The following CREB5 variants were observed in gnomAD, a reference collection of about 807,000 sequenced individuals.
CREB5 encodes the protein cyclic AMP-responsive element-binding protein 5.
In CREB5, 19 loss-of-function variants were observed where a neutral mutation model predicts 57.1. The observed-to-expected ratio is 0.33, with a 90% CI of 0.23 to 0.49. The LOEUF (loss-of-function observed/expected upper bound fraction) is 0.49. Ranked by LOEUF, CREB5 falls within the 20% of genes least tolerant of loss-of-function variation. The pLI is 0.99. For synonymous variants in CREB5, 238 were observed against 238.3 expected, an observed-to-expected ratio of 1.00 and a Z score of 0.01; for missense variants, 579 against 671.6, an observed-to-expected ratio of 0.86 and a Z score of 1.52.
At chr7:28,813,678 C>T (rs1809258223) in intron 9 of CREB5, among the ~76,000 whole-genome samples, 1 of 152,106 alleles carries the variant, frequency 6.6e-6, no homozygotes, top group African/African-American at 2.4e-5. Flanking sequence ...ATGACATCCC[C>T]AAAGCTGAAC....
At chr7:28,792,992 T>C (rs1807816033) in intron 7 of CREB5, among the ~76,000 whole-genome samples, 1 of 152,186 alleles carries the variant, frequency 6.6e-6, no homozygotes, top group African/African-American at 2.4e-5. Context: ...CAAGTTGATT[T>C]GGCTATTGGT....
At chr7:28,458,292 T>C (rs1048374795) in intron 1 of CREB5, among the ~76,000 whole-genome samples, 1 of 152,198 alleles carries the variant, frequency 6.6e-6, no homozygotes, top group Non-Finnish European at 1.5e-5. Flanking sequence ...ATAAACTGAC[T>C]AGGATCTGAT....
At chr7:28,314,942 A>G (rs1448691774) in intron 1 of CREB5, among the ~76,000 whole-genome samples, 1 of 152,168 alleles carries the variant, frequency 6.6e-6, no homozygotes, top group African/African-American at 2.4e-5. Context: ...TTAATGTAGC[A>G]TTTTTCTAAC....
intron 1 of CREB5, among the ~76,000 whole-genome samples, chr7:28,469,947 A>G (rs1006901226): frequency 6.6e-6 from 1 of 152,332 alleles, no homozygotes; most frequent in East Asian, 1.9e-4. Context: ...TTGTGAGTAC[A>G]TAGTAAGTAT....
chr7:28,306,568 T>TTTTTTTGTTTG (rs1785191141), intron 1 of CREB5, among the ~76,000 whole-genome samples: 1 of 132,714 alleles, frequency 7.5e-6, no homozygotes, highest in African/African-American at 2.8e-5. Context: ...TTTTTTTTTT[T>TTTTTTTGTTTG]TTTTTTTTTT....
rs934411155 is a variant in CREB5, at chr7:28,381,012, G to A, written c.-25+81571G>A. 8.5e-5 allele frequency among the ~76,000 whole-genome samples: 13 copies of A among 152,182 alleles called. No individual in the cohort carries two copies. In the South Asian group the frequency reaches 1.2e-3, roughly 15 times the overall value. ...CTAGGGATTAGTATAAAACTAGGGG[G>A]CAGGTGGTTTGTTCACAGATGCTCA... On this transcript the variant is annotated intron_variant, in intron 1 of 9. Coordinates refer to the CREB5 transcript ENST00000396299.
At chr7:28,469,087 G>A (rs1253148736) in intron 1 of CREB5, among the ~76,000 whole-genome samples, 1 of 152,192 alleles carries the variant, frequency 6.6e-6, no homozygotes, top group African/African-American at 2.4e-5. Context: ...CAGGCCTGCT[G>A]GCATGTGCCT....
chr7:28,754,416 T>G (rs1805169328), intron 7 of CREB5, among the ~76,000 whole-genome samples: 1 of 152,202 alleles, frequency 6.6e-6, no homozygotes, highest in African/African-American at 2.4e-5. Flanking sequence ...TAATTTCTGC[T>G]TCTTTAAACA....
At chr7:28,658,071 C>T (rs540448483) in intron 5 of CREB5, among the ~76,000 whole-genome samples, 2 of 152,212 alleles carry the variant, frequency 1.3e-5, no homozygotes, top group South Asian at 4.2e-4. Flanking sequence ...ATCGTTTATT[C>T]CACACCTTTG....
chr7:28,364,657 C>G (rs1583399663), intron 1 of CREB5, among the ~76,000 whole-genome samples: 1 of 152,164 alleles, frequency 6.6e-6, no homozygotes, highest in East Asian at 1.9e-4. Context: ...CTCCTATCCT[C>G]AGGCTCCTCT....
At position 28,491,750 on chromosome 7, in the gene CREB5, A is replaced by G. The variant is rs1399081047; in HGVS notation, c.76-3156A>G. Among the ~76,000 whole-genome samples the G allele has an allele frequency of 2.6e-5, 4 of 152,352 alleles. No homozygotes were observed. In the South Asian group the frequency reaches 8.3e-4, roughly 32 times the overall value. ...AGCAGTCACAAAGGTCTCCTGGGTT[A>G]TTAGAAACTCACAGTCAAGCCAATT... is the stretch of plus-strand genomic sequence containing the variant. On this transcript the variant is annotated intron_variant, in intron 2 of 10. Coordinates refer to ENST00000357727, the MANE Select transcript of CREB5 (RefSeq NM_182898.4).
chr7:28,376,021 T>C (rs113683490), intron 1 of CREB5, among the ~76,000 whole-genome samples: 89 of 152,316 alleles, frequency 5.8e-4, no homozygotes, highest in African/African-American at 2.1e-3. Flanking sequence ...AGAGGCCATC[T>C]TGTCTCCCAC....
At position 28,581,585 on chromosome 7, in the gene CREB5, A is replaced by G. The variant is rs796168189; in HGVS notation, c.464+11048A>G. Reference sequence around the variant, plus strand: ...CTCCTCCCCTTTACCTCTTCCTCCCATAGTGGTTGTTTGTAGCTCAAGTGG... The same window carrying G: ...CTCCTCCCCTTTACCTCTTCCTCCCGTAGTGGTTGTTTGTAGCTCAAGTGG... On this transcript the variant is annotated intron_variant, in intron 5 of 10. Coordinates refer to ENST00000357727, the MANE Select transcript of CREB5 (RefSeq NM_182898.4). Among the ~76,000 whole-genome samples the G allele has an allele frequency of 5.3e-5, 8 of 152,270 alleles. 1 individual carries two copies. Among genetic ancestry groups the G allele is most frequent in the African/African-American group, 1.9e-4 (8 of 41,558 alleles).
chr7:28,309,679 C>T (rs112463964), intron 1 of CREB5, among the ~76,000 whole-genome samples: 1,937 of 152,290 alleles, frequency 0.013, 11 homozygotes, highest in African/African-American at 0.019. Context: ...GATACTGATG[C>T]TCCCAGCTAG....
chr7:28,591,093 A>T (rs1458771445), intron 5 of CREB5, among the ~76,000 whole-genome samples: 1 of 152,194 alleles, frequency 6.6e-6, no homozygotes, highest in Non-Finnish European at 1.5e-5. Context: ...AGTCTCACAT[A>T]AAATGTCTAC....
rs1368518820 is a variant in CREB5, at chr7:28,560,901, C to CGTGTGTGT, written c.292-9463_292-9462insTGTGTGTG. 4.6e-4 allele frequency among the ~76,000 whole-genome samples: 10 copies of CGTGTGTGT among 21,662 alleles called. 1 individual carries two copies. Among genetic ancestry groups the CGTGTGTGT allele is most frequent in the Admixed American group, 6.1e-4 (1 of 1,638 alleles). The allele number at this position is 21,662 out of a possible 152,430, so 14.2% of individuals were successfully genotyped here. On this transcript the variant is annotated intron_variant, in intron 4 of 10. Coordinates refer to ENST00000357727, the MANE Select transcript of CREB5 (RefSeq NM_182898.4). ...GTGCGTGCGTGCGTGTGTGTGCGTGCGCGCGTGCGTGTGCGTGTGTGCGCG... is the reference window on the plus strand; with the variant it reads ...GTGCGTGCGTGCGTGTGTGTGCGTGCGTGTGTGTGCGCGTGCGTGTGCGTGTGTGCGCG...
intron 1 of CREB5, among the ~76,000 whole-genome samples, chr7:28,380,106 G>C (rs1302823321): frequency 6.6e-6 from 1 of 152,136 alleles, no homozygotes; most frequent in Non-Finnish European, 1.5e-5. Flanking sequence ...GCTATGGTTT[G>C]AAGACTACTG....
intron 1 of CREB5, among the ~76,000 whole-genome samples, chr7:28,476,107 G>A (rs576800796): frequency 6.6e-6 from 1 of 152,208 alleles, no homozygotes; most frequent in East Asian, 1.9e-4. Context: ...AGGTTGGCTG[G>A]TATGTGGCAG....
At chr7:28,672,483 G>C (rs1404874666) in intron 5 of CREB5, among the ~76,000 whole-genome samples, 6 of 151,784 alleles carry the variant, frequency 4.0e-5, no homozygotes, top group Non-Finnish European at 5.9e-5. Context: ...GCATTTATTT[G>C]GTTACAAAAA....
Sources: gnomAD v4.1 joint callset for allele counts (sites outside exome capture counted in the v4.1 genomes callset) on GRCh38, gnomAD v4.1.1 for gene constraint, MANE v1.5 for transcripts, NCBI Gene and HGNC (gene_info 2026-07-23, HGNC 2026-07-21) for gene names.